PRKG1: variants seen among roughly 807,000 people sequenced by gnomAD.
The protein encoded by PRKG1 is cGMP-dependent protein kinase 1.
A neutral mutation model predicts 88.1 loss-of-function variants in PRKG1; 35 were observed. That is an observed-to-expected ratio of 0.40 (90% CI 0.30 to 0.53). PRKG1 has a LOEUF of 0.53. Among genes scored for constraint, PRKG1 ranks in the 20% least tolerant of loss-of-function variants. The pLI is 0.59. For missense variants in PRKG1, 540 were observed against 839.8 expected (o/e 0.64, Z 4.41); for synonymous variants, 303 against 292.5 (o/e 1.04, Z -0.37).
chr10:51,578,107 G>C (rs1837934530), intron 3 of PRKG1, among the ~76,000 whole-genome samples: 1 of 152,034 alleles, frequency 6.6e-6, no homozygotes, highest in South Asian at 2.1e-4. Flanking sequence ...TGATAAAACA[G>C]GAACATAATG....
At chr10:51,467,600 CTTTGT>C in intron 2 of PRKG1, 118 bp from the exon 3 acceptor site, 2 of 680,602 alleles carry the variant, frequency 2.9e-6, no homozygotes, top group Non-Finnish European at 2.4e-6. Flanking sequence ...CTCGTGGTGA[CTTTGT>C]TTTAATTGGT....
intron 2 of PRKG1, among the ~76,000 whole-genome samples, chr10:51,268,935 G>T (rs1019236434): frequency 2.0e-4 from 31 of 152,094 alleles, no homozygotes; most frequent in Non-Finnish European, 3.1e-4. Context: ...CACCATCCAC[G>T]TTCTTCTGCC....
chr10:51,666,196 C>T (rs919980194), intron 3 of PRKG1, among the ~76,000 whole-genome samples: 3 of 152,126 alleles, frequency 2.0e-5, no homozygotes, highest in Non-Finnish European at 4.4e-5. Flanking sequence ...GCCCTAGCTC[C>T]CCTTTATTCT....
At chr10:52,159,239 G>A (rs138777684) in intron 8 of PRKG1, among the ~76,000 whole-genome samples, 1 of 151,440 alleles carries the variant, frequency 6.6e-6, no homozygotes, top group African/African-American at 2.4e-5. Flanking sequence ...TATTTTTACA[G>A]GTCTTTTGTA....
intron 1 of PRKG1, among the ~76,000 whole-genome samples, chr10:51,101,487 C>T (rs1255229264): frequency 6.6e-6 from 1 of 152,150 alleles, no homozygotes. Flanking sequence ...CAAAATCAGA[C>T]TCCAGATTAC....
chr10:51,164,561 G>T (rs1428286923), intron 2 of PRKG1, among the ~76,000 whole-genome samples: 1 of 152,202 alleles, frequency 6.6e-6, no homozygotes, highest in Non-Finnish European at 1.5e-5. Context: ...TGACTTTCAC[G>T]AGTTGAGAGA....
intron 7 of PRKG1, among the ~76,000 whole-genome samples, chr10:52,081,063 A>G (rs978223986): frequency 2.0e-5 from 3 of 152,170 alleles, no homozygotes; most frequent in Non-Finnish European, 4.4e-5. Flanking sequence ...GCTGCTGAGC[A>G]CCCTCTTCAA....
At chr10:51,449,891 A>G (rs996348115) in intron 2 of PRKG1, among the ~76,000 whole-genome samples, 2 of 151,838 alleles carry the variant, frequency 1.3e-5, no homozygotes, top group Admixed American at 6.6e-5. Flanking sequence ...AAGAAAAAAG[A>G]AATCAGATGC....
chr10:52,063,573 C>T (rs1182378210), intron 7 of PRKG1, among the ~76,000 whole-genome samples: 2 of 152,214 alleles, frequency 1.3e-5, no homozygotes, highest in Non-Finnish European at 2.9e-5. Flanking sequence ...CAGTGGTTCC[C>T]GATTTCTTGA....
At chr10:51,985,316 AC>A (rs1335702475) in intron 5 of PRKG1, among the ~76,000 whole-genome samples, 1 of 148,122 alleles carries the variant, frequency 6.8e-6, no homozygotes, top group East Asian at 1.9e-4. Flanking sequence ...ATATAGTGAA[AC>A]TTTTTTCAGC....
At chr10:51,975,582 G>A (rs899370571) in intron 5 of PRKG1, among the ~76,000 whole-genome samples, 2 of 152,098 alleles carry the variant, frequency 1.3e-5, no homozygotes, top group East Asian at 3.8e-4. Context: ...AGCTAGGTGT[G>A]TGCAAATGTA....
At chr10:51,370,973 T>G (rs142372681) in intron 2 of PRKG1, among the ~76,000 whole-genome samples, 1 of 152,136 alleles carries the variant, frequency 6.6e-6, no homozygotes, top group Non-Finnish European at 1.5e-5. Context: ...TTTTTAAACT[T>G]TGTGTGCCCT....
chr10:51,987,498 C>G (rs919976334), intron 5 of PRKG1, among the ~76,000 whole-genome samples: 63 of 145,372 alleles, frequency 4.3e-4, no homozygotes, highest in African/African-American at 1.5e-3. Context: ...TTAGAAAAGA[C>G]TTTAGCTATA....
chr10:51,806,080 AAGAT>A (rs1257653307), intron 4 of PRKG1, among the ~76,000 whole-genome samples: 7 of 152,046 alleles, frequency 4.6e-5, no homozygotes, highest in Non-Finnish European at 8.8e-5. Context: ...TGTATGATGA[AAGAT>A]AGAGACAGAG....
At chr10:51,330,232 C>A (rs1841704973) in intron 2 of PRKG1, among the ~76,000 whole-genome samples, 1 of 151,084 alleles carries the variant, frequency 6.6e-6, no homozygotes, top group Non-Finnish European at 1.5e-5. Flanking sequence ...CTCACTGCAA[C>A]CTCCACCTCC....
chr10:51,293,982 G>A (rs1187777036), intron 2 of PRKG1, among the ~76,000 whole-genome samples: 1 of 152,100 alleles, frequency 6.6e-6, no homozygotes, highest in Non-Finnish European at 1.5e-5. Flanking sequence ...GTGATGTTGA[G>A]CATTTTTTCA....
At chr10:51,546,006 A>G (rs1842436789) in intron 3 of PRKG1, among the ~76,000 whole-genome samples, 1 of 151,396 alleles carries the variant, frequency 6.6e-6, no homozygotes, top group Non-Finnish European at 1.5e-5. Context: ...CATATCGCTT[A>G]GTAACTCAGT....
At chr10:51,980,728 T>A (rs1052165980) in intron 5 of PRKG1, among the ~76,000 whole-genome samples, 5 of 152,232 alleles carry the variant, frequency 3.3e-5, no homozygotes, top group African/African-American at 1.2e-4. Flanking sequence ...CCCTTTACCA[T>A]TATGTAATGC....
intron 3 of PRKG1, among the ~76,000 whole-genome samples, chr10:51,580,998 C>G (rs1393925514): frequency 6.7e-6 from 1 of 148,608 alleles, no homozygotes; most frequent in African/African-American, 2.6e-5. Flanking sequence ...ATAGTGAAAG[C>G]TGGGTCCAGG....
Sources: gnomAD v4.1 joint callset for allele counts (sites outside exome capture counted in the v4.1 genomes callset) on GRCh38, gnomAD v4.1.1 for gene constraint, MANE v1.5 for transcripts, NCBI Gene and HGNC (gene_info 2026-07-23, HGNC 2026-07-21) for gene names.